Variants in PDCL observed in about 807,000 individuals in gnomAD.
PDCL encodes the protein phosducin-like protein.
Under a neutral mutation model 26.7 loss-of-function variants are expected in PDCL, and 11 were observed. The observed-to-expected ratio is 0.41, with a 90% CI of 0.26 to 0.68. PDCL has a LOEUF of 0.68. Ranked by LOEUF, PDCL falls within the 30% of genes least tolerant of loss-of-function variation. The probability of loss-of-function intolerance (pLI) is 0.30; values close to 1 mark genes in which losing one functional copy is unlikely to be tolerated. For synonymous variants in PDCL, 118 were observed against 134.9 expected, an observed-to-expected ratio of 0.87 and a Z score of 0.87; for missense variants, 330 against 371.6, an observed-to-expected ratio of 0.89 and a Z score of 0.92.
In PDCL at chr9:122,819,096, C is replaced by G. The variant is rs1358086444; in HGVS notation, c.*989G>C. 1 of 151,904 alleles carries G rather than the reference C, an allele frequency of 6.6e-6. No individual in the cohort carries two copies. The highest frequency in any genetic ancestry group is 2.4e-5 in the African/African-American group (1 of 41,376). 9.4% of individuals were successfully genotyped at this position (151,904 alleles called of 1,614,324 possible). A position where few individuals can be genotyped will look rare whatever the true frequency, so the allele number is the denominator to read the frequency against. On this transcript the variant is annotated 3_prime_UTR_variant, in exon 4 of 4. Transcript: ENST00000259467. The stretch of plus-strand genomic sequence containing the variant: ...AACAGTATGTTCAGAATGATCCCAT[C>G]GTTTTGTTTAAAAACAAACAAAATA...
intron 3 of PDCL, 86 bp from the exon 4 acceptor site, chr9:122,820,722 G>T: frequency 8.9e-7 from 1 of 1,122,518 alleles, no homozygotes; most frequent in Non-Finnish European, 1.2e-6. Context: ...GGTGGCTCAC[G>T]CCTGTAATCC....
chr9:122,824,834 G>T (rs1253400866), intron 2 of PDCL, among the ~76,000 whole-genome samples: 1 of 152,190 alleles, frequency 6.6e-6, no homozygotes, highest in Non-Finnish European at 1.5e-5. Flanking sequence ...TAATTGAAGA[G>T]GGTCTAGCCT....
Position 122,823,086 on chromosome 9 carries a change from C to A in PDCL, c.284G>T (p.Cys95Phe). The change falls in exon 3 of 4, where the codon TGC becomes TTC. Residue 95 changes from cysteine to phenylalanine, a missense_variant. Coordinates refer to ENST00000259467, the MANE Select transcript of PDCL (RefSeq NM_005388.5). ...ERLIKKLSMT[C>F]RSHLDEEEEQ... The stretch of plus-strand genomic sequence containing the variant: ...CTCCTCTTCATCCAGATGGGACCTG[C>A]AAGTCATTGACAGCTTCTTGATCAG... 1 of 1,614,172 alleles carries A rather than the reference C, an allele frequency of 6.2e-7. No individual in the cohort carries two copies. Among genetic ancestry groups the A allele is most frequent in the Non-Finnish European group, 8.5e-7 (1 of 1,180,030 alleles).
Position 122,820,461 on chromosome 9 carries a change from TC to T in PDCL, c.529del (p.Glu177AsnfsTer22). 1 of 1,614,124 alleles carries T rather than the reference TC, an allele frequency of 6.2e-7. No individual in the cohort carries two copies. Among genetic ancestry groups the T allele is most frequent in the Non-Finnish European group, 8.5e-7 (1 of 1,180,024 alleles). The stretch of plus-strand genomic sequence containing the variant: ...AACCATGATGACAATGCTTTTCTGT[TC>T]TTTATCAATCATGTCTAAAAACCCT... ...GEGFLDMIDK[E>X]QKSIVIMVHI... On this transcript the variant is annotated frameshift_variant, in exon 4 of 4. Transcript: ENST00000259467. LOFTEE classifies it high-confidence loss of function.
In PDCL at chr9:122,820,342, C is replaced by G; in HGVS notation, c.649G>C (p.Val217Leu). The change falls in exon 4 of 4, where the codon GTG becomes CTG. Residue 217 changes from valine (V) to leucine (L), a missense_variant. Coordinates refer to ENST00000259467, the MANE Select transcript of PDCL (RefSeq NM_005388.5). ...CTGGCGCCAATAACTGAGCTCTTCACCTTGCAGAACTTGACAGCTGGGTAC... is the reference window on the plus strand; with the variant it reads ...CTGGCGCCAATAACTGAGCTCTTCAGCTTGCAGAACTTGACAGCTGGGTAC... ...AEYPAVKFCK[V>L]KSSVIGASSQ... The G allele has an allele frequency of 6.2e-7, 1 of 1,614,206 alleles. No individual in the cohort carries two copies. Among genetic ancestry groups the G allele is most frequent in the Non-Finnish European group, 8.5e-7 (1 of 1,180,042 alleles).
At chr9:122,827,034 C>T (rs545736344) in intron 1 of PDCL, among the ~76,000 whole-genome samples, 93 of 152,150 alleles carry the variant, frequency 6.1e-4, no homozygotes, top group Non-Finnish European at 1.1e-3. Context: ...AGCTTAACAG[C>T]GAATGACGGA....
At position 122,820,330 on chromosome 9, in the gene PDCL, C is replaced by A. The variant is rs1203546611; in HGVS notation, c.661G>T (p.Val221Phe). ...GTGAACTGACTGCTGGCGCCAATAA[C>A]TGAGCTCTTCACCTTGCAGAACTTG... Reference protein sequence around the residue: ...AVKFCKVKSSVIGASSQFTRN... With the variant: ...AVKFCKVKSSFIGASSQFTRN... The change falls in exon 4 of 4, where the codon GTT (valine) becomes TTT (phenylalanine). Residue 221 changes from valine to phenylalanine, a missense_variant. Transcript: ENST00000259467. The A allele has an allele frequency of 6.2e-7, 1 of 1,614,204 alleles. No homozygotes were observed. Among genetic ancestry groups the A allele is most frequent in the Admixed American group, 1.7e-5 (1 of 60,024 alleles).
Position 122,825,187 on chromosome 9 carries a change from A to G in PDCL, c.172+1429T>C, listed in dbSNP as rs374417484. Among the ~76,000 whole-genome samples the G allele has an allele frequency of 1.6e-4, 25 of 151,904 alleles. 1 individual carries two copies. The highest frequency in any genetic ancestry group is 6.0e-4 in the African/African-American group (25 of 41,444). On this transcript the variant is annotated intron_variant, in intron 2 of 3. Transcript: ENST00000259467. ...AATCTTTTTTTTTTTTTGGAGACAG[A>G]GTCTCACTCTGTTGCCCAGGCTGGA...
At position 122,820,116 on chromosome 9, in the gene PDCL, T is replaced by TGACACGTGGCAGAGTTAC; in HGVS notation, c.857_874dup (p.Arg286_Cys291dup). 1 of 1,612,444 alleles carries TGACACGTGGCAGAGTTAC rather than the reference T, an allele frequency of 6.2e-7. No homozygotes were observed. The highest frequency in any genetic ancestry group is 8.5e-7 in the Non-Finnish European group (1 of 1,179,120). On this transcript the variant is annotated inframe_insertion, in exon 4 of 4. Transcript: ENST00000259467. ...TATTTCCAGGTCGCTATCCTCACTG[T>TGACACGTGGCAGAGTTAC]GACACGTGGCAGAGTTACGCACAGA...
At chr9:122,828,268 G>A (rs558523553) in intron 1 of PDCL, among the ~76,000 whole-genome samples, 1 of 152,268 alleles carries the variant, frequency 6.6e-6, no homozygotes, top group South Asian at 2.1e-4. Context: ...ACGGGAAGCA[G>A]AGGGGTGTGT....
Position 122,819,921 on chromosome 9 carries a change from A to G in PDCL, c.*164T>C, listed in dbSNP as rs569570908. 3 of 577,864 alleles carry G rather than the reference A, an allele frequency of 5.2e-6. No individual in the cohort carries two copies. The highest frequency in any genetic ancestry group is 8.8e-6 in the Non-Finnish European group (3 of 339,216). 35.8% of individuals were successfully genotyped at this position (577,864 alleles called of 1,614,324 possible). On this transcript the variant is annotated 3_prime_UTR_variant, in exon 4 of 4. Transcript: ENST00000259467. ...GTAAGTCACCTTATTGCTAGCTACA[A>G]GGTTATTCAGCATTCTGATTTAATC...
chr9:122,822,244 T>C (rs1040022642), intron 3 of PDCL, among the ~76,000 whole-genome samples: 3 of 152,154 alleles, frequency 2.0e-5, no homozygotes, highest in Admixed American at 6.5e-5. Context: ...GAATCCCTTT[T>C]AATACTGATA....
In PDCL at chr9:122,820,261, A is replaced by C. The variant is rs1564267792; in HGVS notation, c.730T>G (p.Leu244Val). The change falls in exon 4 of 4, where the codon TTG becomes GTG. Residue 244 changes from leucine to valine, a missense_variant. Physicochemically the swap from Leu to Val is conservative, Grantham distance 32. Coordinates refer to ENST00000259467, the MANE Select transcript of PDCL (RefSeq NM_005388.5). ...PALLIYKGGE[L>V]IGNFVRVTDQ... ...GTAACACGAACAAAATTGCCGATCA[A>C]TTCACCCCCCTTATAGATCAGCAGG... 1 of 1,614,140 alleles carries C rather than the reference A, an allele frequency of 6.2e-7. No homozygotes were observed. Among genetic ancestry groups the C allele is most frequent in the Non-Finnish European group, 8.5e-7 (1 of 1,180,032 alleles).
At chr9:122,823,898 C>G (rs1829588040) in intron 2 of PDCL, among the ~76,000 whole-genome samples, 1 of 151,786 alleles carries the variant, frequency 6.6e-6, no homozygotes, top group Admixed American at 6.6e-5. Context: ...GCTTCCCGAG[C>G]AGCTGGGACT....
chr9:122,821,580 T>C (rs1361443430), intron 3 of PDCL, among the ~76,000 whole-genome samples: 1 of 152,182 alleles, frequency 6.6e-6, no homozygotes, highest in Non-Finnish European at 1.5e-5. Flanking sequence ...TTTCCAAATA[T>C]TTTTATGAAA....
At chr9:122,824,971 CATA>C (rs1344532050) in intron 2 of PDCL, among the ~76,000 whole-genome samples, 1 of 151,988 alleles carries the variant, frequency 6.6e-6, no homozygotes, top group Non-Finnish European at 1.5e-5. Context: ...AAATTCAGTA[CATA>C]ATAAAAGTGA....
intron 2 of PDCL, among the ~76,000 whole-genome samples, chr9:122,823,582 T>C (rs964517848): frequency 6.6e-6 from 1 of 152,170 alleles, no homozygotes; most frequent in Non-Finnish European, 1.5e-5. Flanking sequence ...AAAAAAGACC[T>C]GTATGTATAT....
chr9:122,826,802 G>A lies in PDCL; in HGVS notation c.-5-10C>T. On this transcript the variant is annotated splice_polypyrimidine_tract_variant and intron_variant, in intron 1 of 3. Transcript: ENST00000259467. ...AGGGTGGTCATGGTGTCTGGAAAAA[G>A]AAAGCATATCAGGTTCTTTGCTGAT... is the stretch of plus-strand genomic sequence containing the variant. The A allele has an allele frequency of 6.2e-7, 1 of 1,613,546 alleles. No homozygotes were observed. The highest frequency in any genetic ancestry group is 8.5e-7 in the Non-Finnish European group (1 of 1,179,606).
At chr9:122,826,920 C>T (rs1030994718) in intron 1 of PDCL, 128 bp from the exon 2 acceptor site, 2 of 809,898 alleles carry the variant, frequency 2.5e-6, no homozygotes, top group African/African-American at 1.7e-5. Context: ...ATTTTCATAA[C>T]CAAAATCTTA....
Sources: gnomAD v4.1 joint callset for allele counts (sites outside exome capture counted in the v4.1 genomes callset) on GRCh38, gnomAD v4.1.1 for gene constraint, MANE v1.5 for transcripts, NCBI Gene and HGNC (gene_info 2026-07-23, HGNC 2026-07-21) for gene names.